The following PDGFD variants were observed in gnomAD, a reference collection of about 807,000 sequenced individuals.
PDGFD encodes the protein platelet-derived growth factor D.
Under a neutral mutation model 44.7 loss-of-function variants are expected in PDGFD, and 30 were observed. The observed-to-expected ratio is 0.67, with a 90% CI of 0.50 to 0.91. The LOEUF (loss-of-function observed/expected upper bound fraction) is 0.91. PDGFD is among the 40% of genes least tolerant of loss of function. PDGFD has a pLI of 0.00. For synonymous variants in PDGFD, 173 were observed against 168.4 expected, an observed-to-expected ratio of 1.03 and a Z score of -0.21; for missense variants, 445 against 457.8, an observed-to-expected ratio of 0.97 and a Z score of 0.25.
chr11:104,019,707 G>A (rs1859920982), intron 1 of PDGFD, among the ~76,000 whole-genome samples: 1 of 152,170 alleles, frequency 6.6e-6, no homozygotes, highest in South Asian at 2.1e-4. Context: ...CTGGGGGAAA[G>A]ATTATCATGT....
intron 1 of PDGFD, among the ~76,000 whole-genome samples, chr11:104,086,435 A>C (rs1307907444): frequency 6.6e-6 from 1 of 152,204 alleles, no homozygotes; most frequent in East Asian, 1.9e-4. Context: ...TTGATGGTAC[A>C]TCTTATAATC....
chr11:103,930,008 T>C (rs1259995283), intron 5 of PDGFD, among the ~76,000 whole-genome samples: 2 of 152,170 alleles, frequency 1.3e-5, no homozygotes, highest in Non-Finnish European at 1.5e-5. Context: ...CCAAATTTAA[T>C]TCAAGGGCCC....
At chr11:104,135,325 T>C (rs1210340393) in intron 1 of PDGFD, among the ~76,000 whole-genome samples, 2 of 152,060 alleles carry the variant, frequency 1.3e-5, no homozygotes, top group African/African-American at 2.4e-5. Flanking sequence ...TAAGGGAACA[T>C]AGAAAGGCTT....
chr11:104,057,858 A>C (rs1860646633), intron 1 of PDGFD, among the ~76,000 whole-genome samples: 1 of 152,230 alleles, frequency 6.6e-6, no homozygotes, highest in Non-Finnish European at 1.5e-5. Flanking sequence ...GTCCGGAAAG[A>C]GACCCATACA....
chr11:104,087,991 T>C (rs1861159043), intron 1 of PDGFD, among the ~76,000 whole-genome samples: 1 of 152,242 alleles, frequency 6.6e-6, no homozygotes, highest in Non-Finnish European at 1.5e-5. Flanking sequence ...AGTGAAATCA[T>C]ACTTTTCCAT....
intron 1 of PDGFD, among the ~76,000 whole-genome samples, chr11:104,092,914 A>AG (rs996688328): frequency 2.6e-5 from 4 of 152,150 alleles, no homozygotes; most frequent in African/African-American, 9.7e-5. Flanking sequence ...GTCACTCCAT[A>AG]GGGGGGCTGA....
intron 1 of PDGFD, among the ~76,000 whole-genome samples, chr11:104,114,921 G>T (rs186503028): frequency 2.7e-5 from 4 of 147,960 alleles, no homozygotes; most frequent in African/African-American, 5.0e-5. Context: ...TCCATAGGTT[G>T]TTGGGGAATA....
chr11:104,075,044 C>T (rs538968938), intron 1 of PDGFD, among the ~76,000 whole-genome samples: 45 of 152,258 alleles, frequency 3.0e-4, no homozygotes, highest in Non-Finnish European at 5.7e-4. Flanking sequence ...AAATGTGTTA[C>T]AATATGCAAC....
chr11:104,156,199 A>T (rs1242194771), intron 1 of PDGFD, among the ~76,000 whole-genome samples: 1 of 152,148 alleles, frequency 6.6e-6, no homozygotes, highest in Non-Finnish European at 1.5e-5. Flanking sequence ...AATTAATAAT[A>T]AGATATGACC....
chr11:104,042,232 T>G (rs1860365811), intron 1 of PDGFD, among the ~76,000 whole-genome samples: 1 of 152,242 alleles, frequency 6.6e-6, no homozygotes, highest in African/African-American at 2.4e-5. Context: ...ATTCCACAAT[T>G]TTTATCACTG....
Position 103,985,243 on chromosome 11 carries a change from C to CA in PDGFD, c.510+10821dup, listed in dbSNP as rs1277716297. 2.0e-5 allele frequency among the ~76,000 whole-genome samples: 3 copies of CA among 147,544 alleles called. No homozygotes were observed. In the Admixed American group the frequency reaches 2.1e-4, roughly 10 times the overall value. On this transcript the variant is annotated intron_variant, in intron 3 of 6. Transcript: ENST00000393158. ...TTGAGACAAGGTCTTGCCTTATCAC[C>CA]AAGGCTGCAGTCCAGTGGTGAAATC...
At chr11:103,987,919 C>A (rs942659640) in intron 3 of PDGFD, among the ~76,000 whole-genome samples, 2 of 152,178 alleles carry the variant, frequency 1.3e-5, no homozygotes, top group Non-Finnish European at 2.9e-5. Flanking sequence ...ACTCCATGCA[C>A]ATTTTATCAC....
intron 1 of PDGFD, among the ~76,000 whole-genome samples, chr11:104,159,374 G>C (rs538101746): frequency 2.0e-4 from 30 of 152,136 alleles, no homozygotes; most frequent in African/African-American, 6.7e-4. Flanking sequence ...TCTACACCTG[G>C]TTCATCCATC....
intron 3 of PDGFD, among the ~76,000 whole-genome samples, chr11:103,990,269 T>C (rs1220215399): frequency 3.3e-5 from 5 of 152,220 alleles, no homozygotes; most frequent in Non-Finnish European, 7.3e-5. Flanking sequence ...TTTTCTATTT[T>C]AGGGTCTTAG....
At chr11:104,013,966 T>C (rs1565310669) in intron 1 of PDGFD, among the ~76,000 whole-genome samples, 2 of 152,108 alleles carry the variant, frequency 1.3e-5, no homozygotes, top group African/African-American at 2.4e-5. Flanking sequence ...TTTCTAGAGA[T>C]AGCAACTAGG....
At chr11:104,132,206 C>T (rs1297051703) in intron 1 of PDGFD, among the ~76,000 whole-genome samples, 1 of 151,898 alleles carries the variant, frequency 6.6e-6, no homozygotes, top group Non-Finnish European at 1.5e-5. Context: ...TTTAAGTTAC[C>T]TCCTTATACT....
At chr11:104,114,504 G>T (rs1460777936) in intron 1 of PDGFD, among the ~76,000 whole-genome samples, 1 of 151,982 alleles carries the variant, frequency 6.6e-6, no homozygotes, top group Non-Finnish European at 1.5e-5. Flanking sequence ...TAGTTTTATA[G>T]GTAGTCTTTA....
intron 1 of PDGFD, among the ~76,000 whole-genome samples, chr11:104,155,901 A>G (rs972973419): frequency 6.6e-6 from 1 of 152,194 alleles, no homozygotes; most frequent in African/African-American, 2.4e-5. Context: ...TTCACAGCTC[A>G]CACCCAGCAA....
At chr11:104,013,488 C>T (rs1859814424) in intron 1 of PDGFD, among the ~76,000 whole-genome samples, 1 of 152,140 alleles carries the variant, frequency 6.6e-6, no homozygotes, top group South Asian at 2.1e-4. Context: ...CACCCGCTCG[C>T]CTGCATGCTC....
Sources: gnomAD v4.1 joint callset for allele counts (sites outside exome capture counted in the v4.1 genomes callset) on GRCh38, gnomAD v4.1.1 for gene constraint, MANE v1.5 for transcripts, NCBI Gene and HGNC (gene_info 2026-07-23, HGNC 2026-07-21) for gene names.